Variants in KCNIP4 observed in about 807,000 individuals in gnomAD.
KCNIP4 encodes the protein potassium voltage-gated channel interacting protein 4.
KCNIP4 carries 12 observed loss-of-function variants against 34.0 expected under a neutral mutation model. The observed-to-expected ratio is 0.35, with a 90% CI of 0.23 to 0.57. The LOEUF (loss-of-function observed/expected upper bound fraction) is 0.57, where lower values mean the gene tolerates loss of function less well. Ranked by LOEUF, KCNIP4 falls within the 20% of genes least tolerant of loss-of-function variation. KCNIP4 has a pLI of 0.83. For missense variants in KCNIP4, 238 were observed against 311.7 expected, an observed-to-expected ratio of 0.76 and a Z score of 1.78; for synonymous variants, 124 against 102.2, an observed-to-expected ratio of 1.21 and a Z score of -1.29.
intron 1 of KCNIP4, among the ~76,000 whole-genome samples, chr4:21,565,993 T>C (rs1260461850): frequency 1.3e-5 from 2 of 151,994 alleles, no homozygotes; most frequent in South Asian, 2.1e-4. Context: ...AACAATAGTA[T>C]CTGATAAGCA....
intron 1 of KCNIP4, among the ~76,000 whole-genome samples, chr4:21,566,374 G>A (rs1739887716): frequency 6.6e-6 from 1 of 152,104 alleles, no homozygotes; most frequent in Non-Finnish European, 1.5e-5. Context: ...CTATTGGGAA[G>A]TGATTAGATC....
At chr4:21,171,490 A>G (rs567448229) in intron 1 of KCNIP4, among the ~76,000 whole-genome samples, 1 of 152,290 alleles carries the variant, frequency 6.6e-6, no homozygotes, top group East Asian at 1.9e-4. Context: ...TTATAAAATA[A>G]TTGGCATTAT....
At chr4:21,322,978 T>C (rs1478234077) in intron 1 of KCNIP4, among the ~76,000 whole-genome samples, 4 of 151,962 alleles carry the variant, frequency 2.6e-5, no homozygotes, top group East Asian at 1.9e-4. Context: ...TAATTGATAA[T>C]TGTGCAGAAT....
intron 1 of KCNIP4, among the ~76,000 whole-genome samples, chr4:21,602,962 T>A (rs1383074166): frequency 6.6e-6 from 1 of 152,216 alleles, no homozygotes. Context: ...TACATTCCTA[T>A]AAATGTTAAG....
chr4:21,835,578 CGT>C (rs749195066), intron 1 of KCNIP4, among the ~76,000 whole-genome samples: 20 of 151,322 alleles, frequency 1.3e-4, no homozygotes, highest in East Asian at 5.8e-4. Context: ...TGTTTTCTTA[CGT>C]TTTTTTTTGT....
intron 1 of KCNIP4, chr4:21,848,828 A>G (rs1244352262): frequency 6.6e-6 from 1 of 152,108 alleles, no homozygotes; most frequent in Non-Finnish European, 1.5e-5. Context: ...CTGGGAAAAT[A>G]TGTTCACTCT....
intron 1 of KCNIP4, among the ~76,000 whole-genome samples, chr4:20,974,154 G>T (rs1043200293): frequency 6.6e-6 from 1 of 152,078 alleles, no homozygotes; most frequent in Non-Finnish European, 1.5e-5. Flanking sequence ...AGAACACAAG[G>T]TATCTGTGTT....
intron 1 of KCNIP4, among the ~76,000 whole-genome samples, chr4:20,910,969 C>G (rs1388326): frequency 0.72 from 109,068 of 151,954 alleles, 39,271 homozygotes; most frequent in East Asian, 0.84. Context: ...AAAGGGATAT[C>G]TTCACCTTTA....
intron 1 of KCNIP4, among the ~76,000 whole-genome samples, chr4:21,593,588 G>T (rs1471680145): frequency 6.6e-6 from 1 of 152,012 alleles, no homozygotes; most frequent in African/African-American, 2.4e-5. Context: ...TATTAGCACT[G>T]CAGATTTTGC....
intron 1 of KCNIP4, among the ~76,000 whole-genome samples, chr4:21,492,232 G>T (rs1495513): frequency 0.34 from 50,281 of 149,112 alleles, 8,476 homozygotes; most frequent in African/African-American, 0.39. Flanking sequence ...ATACTTTTTT[G>T]TTTTGAGACA....
Position 21,581,457 on chromosome 4 carries a change from A to T in KCNIP4, c.61+367114T>A, listed in dbSNP as rs1741192685. 3.3e-5 allele frequency among the ~76,000 whole-genome samples: 5 copies of T among 152,004 alleles called. No homozygotes were observed. The South Asian group carries it at 1.0e-3, about 31-fold the overall frequency. On this transcript the variant is annotated intron_variant, in intron 1 of 8. Coordinates refer to ENST00000382152, the MANE Select transcript of KCNIP4 (RefSeq NM_025221.6). ...GGTAAAGAAGATAGGAAGGTAACGG[A>T]TGAGAGTTTGGCTACAGTCATGCAA... is the stretch of plus-strand genomic sequence containing the variant.
Position 21,637,555 on chromosome 4 carries a change from G to A in KCNIP4, c.61+311016C>T, listed in dbSNP as rs534073295. Among the ~76,000 whole-genome samples the A allele has an allele frequency of 2.4e-3, 370 of 152,036 alleles. 1 individual carries two copies. The highest frequency in any genetic ancestry group is 3.5e-3 in the Non-Finnish European group (237 of 67,996). On this transcript the variant is annotated intron_variant, in intron 1 of 8. Coordinates refer to ENST00000382152, the MANE Select transcript of KCNIP4 (RefSeq NM_025221.6). ...CCCAGCACTTTGGGAGACTGAGGCGGGTGGATGGCTTGCGGATAGGCATTC... is the reference window on the plus strand; with the variant it reads ...CCCAGCACTTTGGGAGACTGAGGCGAGTGGATGGCTTGCGGATAGGCATTC...
At chr4:21,422,018 C>T (rs979115327) in intron 1 of KCNIP4, among the ~76,000 whole-genome samples, 7 of 152,052 alleles carry the variant, frequency 4.6e-5, no homozygotes, top group Admixed American at 4.6e-4. Flanking sequence ...CCTCTCTGTT[C>T]TATGAGACAT....
Position 21,250,754 on chromosome 4 carries a change from TAGG to T in KCNIP4, c.62-368048_62-368046del, listed in dbSNP as rs1236514879. Among the ~76,000 whole-genome samples, 3 of 152,122 alleles carry T rather than the reference TAGG, an allele frequency of 2.0e-5. No individual in the cohort carries two copies. The East Asian group carries it at 5.8e-4, about 29-fold the overall frequency. On this transcript the variant is annotated intron_variant, in intron 1 of 8. Coordinates refer to ENST00000382152, the MANE Select transcript of KCNIP4 (RefSeq NM_025221.6). ...AAAAAAACATAGTCAACAACTACCCTAGGAGATCTGACCCAGTAGGTACTTAAA... is the reference window on the plus strand; with the variant it reads ...AAAAAAACATAGTCAACAACTACCCTAGATCTGACCCAGTAGGTACTTAAA...
chr4:21,165,827 T>G (rs146456278), intron 1 of KCNIP4, among the ~76,000 whole-genome samples: 1 of 152,360 alleles, frequency 6.6e-6, no homozygotes, highest in African/African-American at 2.4e-5. Flanking sequence ...AAATTTCCAA[T>G]GCAGCAGCAT....
At chr4:21,766,817 T>C (rs1325468247) in intron 1 of KCNIP4, among the ~76,000 whole-genome samples, 3 of 152,158 alleles carry the variant, frequency 2.0e-5, no homozygotes, top group Non-Finnish European at 4.4e-5. Context: ...TCAGAAAGTG[T>C]GTGTTTTATT....
At chr4:20,861,980 T>TTAC (rs1281272816) in intron 2 of KCNIP4, among the ~76,000 whole-genome samples, 16 of 146,090 alleles carry the variant, frequency 1.1e-4, no homozygotes, top group South Asian at 2.1e-4. Flanking sequence ...GTTATTATTA[T>TTAC]TATTATTATT....
At chr4:21,728,354 T>G (rs34213165) in intron 1 of KCNIP4, among the ~76,000 whole-genome samples, 43,058 of 151,778 alleles carry the variant, frequency 0.28, 7,263 homozygotes, top group East Asian at 0.67. Flanking sequence ...CCACATCGAG[T>G]CCATCAGCAA....
chr4:20,948,819 AC>A (rs1732469652), intron 1 of KCNIP4, among the ~76,000 whole-genome samples: 2 of 152,184 alleles, frequency 1.3e-5, no homozygotes, highest in African/African-American at 4.8e-5. Flanking sequence ...GTAATATATA[AC>A]ATATTAATAT....
Sources: gnomAD v4.1 joint callset for allele counts (sites outside exome capture counted in the v4.1 genomes callset) on GRCh38, gnomAD v4.1.1 for gene constraint, MANE v1.5 for transcripts, NCBI Gene and HGNC (gene_info 2026-07-23, HGNC 2026-07-21) for gene names.